The following RAD51B variants were observed in gnomAD, a reference collection of about 807,000 sequenced individuals.
The protein encoded by RAD51B is DNA repair protein RAD51 homolog 2.
In RAD51B, 38 loss-of-function variants were observed where a neutral mutation model predicts 42.2. The observed-to-expected ratio is 0.90, with a 90% CI of 0.70 to 1.18. The LOEUF is 1.18. RAD51B is among the 50% of genes most tolerant of loss of function. The pLI, the probability that RAD51B is intolerant of heterozygous loss-of-function variation, is 0.00. For synonymous variants in RAD51B, 154 were observed against 145.2 expected, an observed-to-expected ratio of 1.06 and a Z score of -0.43; for missense variants, 373 against 400.7, an observed-to-expected ratio of 0.93 and a Z score of 0.59.
intron 5 of RAD51B, among the ~76,000 whole-genome samples, chr14:67,875,592 G>T (rs1953029234): frequency 6.6e-6 from 1 of 152,152 alleles, no homozygotes; most frequent in Admixed American, 6.6e-5. Context: ...GCACAGGTTT[G>T]TAGCCTAGGA....
intron 7 of RAD51B, among the ~76,000 whole-genome samples, chr14:68,089,688 C>T (rs935725253): frequency 1.3e-5 from 2 of 152,322 alleles, no homozygotes; most frequent in African/African-American, 2.4e-5. Context: ...CCCTTTCCCC[C>T]TTCCTCTAAA....
intron 7 of RAD51B, among the ~76,000 whole-genome samples, chr14:68,227,686 C>T (rs926077637): frequency 6.6e-6 from 1 of 152,076 alleles, no homozygotes; most frequent in Non-Finnish European, 1.5e-5. Context: ...CTTCAGGGTC[C>T]GTCAACTGGG....
At chr14:67,860,932 G>A (rs899779892) in intron 4 of RAD51B, among the ~76,000 whole-genome samples, 1 of 152,190 alleles carries the variant, frequency 6.6e-6, no homozygotes, top group South Asian at 2.1e-4. Context: ...GTTGGCTCAT[G>A]CCTGTAATCC....
rs547450214 is a variant in RAD51B, at chr14:68,624,458, C to T, written c.1037-26323C>T. Among the ~76,000 whole-genome samples, 11 of 152,286 alleles carry T rather than the reference C, an allele frequency of 7.2e-5. No homozygotes were observed. In the East Asian group the frequency reaches 1.4e-3, roughly 19 times the overall value. On this transcript the variant is annotated intron_variant, in intron 10 of 11. Coordinates refer to the RAD51B transcript ENST00000488612. ...ACAGCTCTCCTAGCACTTCCGGGCCCTCGATATGCCAGAGCATGAAGTGGG... is the reference window on the plus strand; with the variant it reads ...ACAGCTCTCCTAGCACTTCCGGGCCTTCGATATGCCAGAGCATGAAGTGGG...
intron 10 of RAD51B, among the ~76,000 whole-genome samples, chr14:68,499,504 A>G (rs1884772649): frequency 6.6e-6 from 1 of 152,224 alleles, no homozygotes; most frequent in African/African-American, 2.4e-5. Flanking sequence ...TGGATGCAGT[A>G]GGTTAAATGG....
intron 7 of RAD51B, among the ~76,000 whole-genome samples, chr14:68,270,909 CAT>C (rs1305041996): frequency 1.3e-5 from 2 of 152,138 alleles, no homozygotes; most frequent in African/African-American, 4.8e-5. Context: ...GATATTTGTA[CAT>C]GAGATAAGAT....
chr14:68,093,375 A>G (rs1307449644), intron 7 of RAD51B, among the ~76,000 whole-genome samples: 1 of 152,170 alleles, frequency 6.6e-6, no homozygotes, highest in Non-Finnish European at 1.5e-5. Context: ...CCTCAATTTC[A>G]GAGCCTGTTA....
chr14:68,205,887 T>G (rs1352764494), intron 7 of RAD51B, among the ~76,000 whole-genome samples: 1 of 152,178 alleles, frequency 6.6e-6, no homozygotes, highest in African/African-American at 2.4e-5. Flanking sequence ...CTTAGTAGAG[T>G]TATCAACTTT....
intron 7 of RAD51B, among the ~76,000 whole-genome samples, chr14:67,984,355 A>G (rs979911680): frequency 6.6e-6 from 1 of 152,200 alleles, no homozygotes; most frequent in African/African-American, 2.4e-5. Flanking sequence ...ACACTGCCAC[A>G]TACTGATTGT....
chr14:68,081,675 G>C (rs2076914136), intron 7 of RAD51B, among the ~76,000 whole-genome samples: 1 of 152,178 alleles, frequency 6.6e-6, no homozygotes, highest in Non-Finnish European at 1.5e-5. Flanking sequence ...AACAGGAAAA[G>C]TTCCCTTGTC....
At chr14:68,250,267 T>C (rs1440602567) in intron 7 of RAD51B, among the ~76,000 whole-genome samples, 5 of 152,260 alleles carry the variant, frequency 3.3e-5, no homozygotes, top group Non-Finnish European at 5.9e-5. Context: ...CTCTAATTAA[T>C]TGATATCTTC....
intron 10 of RAD51B, among the ~76,000 whole-genome samples, chr14:68,527,861 GT>G (rs1301641213): frequency 2.6e-5 from 4 of 152,194 alleles, no homozygotes; most frequent in Non-Finnish European, 4.4e-5. Context: ...CTGGAAGGAA[GT>G]TTACTAAATA....
At chr14:68,561,999 G>T in intron 10 of RAD51B, 2 of 985,416 alleles carry the variant, frequency 2.0e-6, no homozygotes, top group South Asian at 9.4e-5. Flanking sequence ...TGTCCTCAGA[G>T]CTGCTCCTGT....
At chr14:68,504,131 T>C (rs1432819350) in intron 10 of RAD51B, among the ~76,000 whole-genome samples, 1 of 152,072 alleles carries the variant, frequency 6.6e-6, no homozygotes, top group Non-Finnish European at 1.5e-5. Flanking sequence ...CCAGAAGCTT[T>C]AGCAATTCTC....
chr14:68,497,131 A>C lies in RAD51B; in HGVS notation c.1036+28881A>C. ...TTCTTTTTCTTCTTGCAGCCTATGG[A>C]AATTCCTAGAGACAGATAAATGTGC... On this transcript the variant is annotated intron_variant, in intron 10 of 10. Coordinates refer to the RAD51B transcript ENST00000487270. 3 of 1,395,232 alleles carry C rather than the reference A, an allele frequency of 2.2e-6. 1 individual carries two copies. In the Middle Eastern group the frequency reaches 5.9e-4, roughly 276 times the overall value. The allele number at this position is 1,395,232 out of a possible 1,614,324, so 86.4% of individuals were successfully genotyped here. A position where few individuals can be genotyped will look rare whatever the true frequency, so the allele number is the denominator to read the frequency against.
At chr14:68,670,650 A>T (rs960908001) in intron 11 of RAD51B, among the ~76,000 whole-genome samples, 3 of 152,082 alleles carry the variant, frequency 2.0e-5, no homozygotes, top group African/African-American at 7.2e-5. Context: ...GCCACTTGCT[A>T]CTTTTAATCC....
At chr14:68,542,454 A>C (rs931745524) in intron 10 of RAD51B, among the ~76,000 whole-genome samples, 2 of 152,226 alleles carry the variant, frequency 1.3e-5, no homozygotes, top group Non-Finnish European at 2.9e-5. Context: ...GTGTTAGATT[A>C]AATTTGATAA....
At chr14:68,143,818 A>G (rs990774942) in intron 7 of RAD51B, among the ~76,000 whole-genome samples, 13 of 152,020 alleles carry the variant, frequency 8.6e-5, no homozygotes, top group Non-Finnish European at 1.8e-4. Flanking sequence ...GTGTGTGTGG[A>G]CTCTATCAGA....
chr14:68,504,321 G>A (rs1016579456), intron 10 of RAD51B, among the ~76,000 whole-genome samples: 2 of 152,184 alleles, frequency 1.3e-5, no homozygotes, highest in East Asian at 1.9e-4. Context: ...CAAGGAATCA[G>A]GCCTCCACTT....
Sources: gnomAD v4.1 joint callset for allele counts (sites outside exome capture counted in the v4.1 genomes callset) on GRCh38, gnomAD v4.1.1 for gene constraint, MANE v1.5 for transcripts, NCBI Gene and HGNC (gene_info 2026-07-23, HGNC 2026-07-21) for gene names.